Variants in CADPS observed in about 807,000 individuals in gnomAD.
CADPS encodes the protein calcium dependent secretion activator, also known as calcium-dependent secretion activator 1.
Under a neutral mutation model 167.3 loss-of-function variants are expected in CADPS, and 57 were observed. The observed-to-expected ratio is 0.34, with a 90% confidence interval of 0.28 to 0.42. The LOEUF is 0.42. Ranked by LOEUF, CADPS falls within the 20% of genes least tolerant of loss-of-function variation. The pLI, the probability that CADPS is intolerant of heterozygous loss-of-function variation, is 1.00. For synonymous variants in CADPS, 676 were observed against 635.3 expected, an observed-to-expected ratio of 1.06 and a Z score of -0.96; for missense variants, 1,414 against 1,738.1, an observed-to-expected ratio of 0.81 and a Z score of 3.32.
intron 10 of CADPS, among the ~76,000 whole-genome samples, chr3:62,555,346 T>G (rs1334362033): frequency 6.6e-6 from 1 of 152,192 alleles, no homozygotes; most frequent in African/African-American, 2.4e-5. Context: ...ATAGAATAGC[T>G]CTCTCCACTC....
intron 6 of CADPS, among the ~76,000 whole-genome samples, chr3:62,597,946 T>C (rs552856309): frequency 6.6e-6 from 1 of 152,030 alleles, no homozygotes; most frequent in Admixed American, 6.6e-5. Context: ...CAGGGCCCAG[T>C]GCAAATAAAA....
intron 24 of CADPS, among the ~76,000 whole-genome samples, chr3:62,472,494 C>T (rs1282147534): frequency 1.3e-5 from 2 of 152,032 alleles, no homozygotes; most frequent in Non-Finnish European, 1.5e-5. Flanking sequence ...CTTGATGAAG[C>T]CTAAGAGATT....
At chr3:62,794,667 A>C (rs971517447) in intron 1 of CADPS, among the ~76,000 whole-genome samples, 1 of 151,868 alleles carries the variant, frequency 6.6e-6, no homozygotes, top group Non-Finnish European at 1.5e-5. Context: ...AACTATTGCT[A>C]ATGTCCCTCA....
chr3:62,556,134 T>A (rs561774904), intron 10 of CADPS, among the ~76,000 whole-genome samples: 1 of 152,312 alleles, frequency 6.6e-6, no homozygotes, highest in Admixed American at 6.5e-5. Context: ...CATCACAGAA[T>A]GTCCTAAGGA....
chr3:62,574,045 C>T (rs906423612), intron 8 of CADPS, among the ~76,000 whole-genome samples: 1 of 152,168 alleles, frequency 6.6e-6, no homozygotes, highest in Non-Finnish European at 1.5e-5. Flanking sequence ...TAATCCATTG[C>T]CAAGTTCTTC....
At chr3:62,502,143 C>T (rs768047289) in intron 17 of CADPS, among the ~76,000 whole-genome samples, 3 of 152,186 alleles carry the variant, frequency 2.0e-5, no homozygotes, top group Non-Finnish European at 4.4e-5. Flanking sequence ...CACTATTTTC[C>T]TGTTTGTTTG....
intron 1 of CADPS, among the ~76,000 whole-genome samples, chr3:62,821,301 A>G (rs2094904005): frequency 6.6e-6 from 1 of 151,306 alleles, no homozygotes; most frequent in Admixed American, 6.6e-5. Context: ...TCTGCTTTAG[A>G]GTCTCTGTGT....
At position 62,455,718 on chromosome 3, in the gene CADPS, A is replaced by G. The variant is rs985721099; in HGVS notation, c.3636+9649T>C. Among the ~76,000 whole-genome samples, 4 of 152,164 alleles carry G rather than the reference A, an allele frequency of 2.6e-5. No individual in the cohort carries two copies. The highest frequency in any genetic ancestry group is 5.9e-5 in the Non-Finnish European group (4 of 68,036). On this transcript the variant is annotated intron_variant, in intron 26 of 29. Coordinates refer to ENST00000383710, the MANE Select transcript of CADPS (RefSeq NM_003716.4). This position sits in a 1 kb window ranked among gnomAD's most constrained non-coding sequence, Gnocchi z 4.4. ...GTTTGCCTTTTGAACATCTCTCAAC[A>G]CTAAGAAGGGTGACAGAATGCAAGC...
At chr3:62,491,855 T>A (rs2063798171) in intron 20 of CADPS, among the ~76,000 whole-genome samples, 1 of 152,158 alleles carries the variant, frequency 6.6e-6, no homozygotes, top group African/African-American at 2.4e-5. Context: ...TACTCTGCCC[T>A]CCTTCATCAC....
At chr3:62,854,607 G>A (rs987655661) in intron 1 of CADPS, among the ~76,000 whole-genome samples, 1 of 152,112 alleles carries the variant, frequency 6.6e-6, no homozygotes, top group African/African-American at 2.4e-5. Context: ...ACTATCACTG[G>A]GTGGAGAAAA....
At chr3:62,630,448 C>A (rs912836018) in intron 6 of CADPS, among the ~76,000 whole-genome samples, 11 of 152,254 alleles carry the variant, frequency 7.2e-5, no homozygotes, top group African/African-American at 2.4e-4. Context: ...TCAAGCCATT[C>A]TTGCATTCTT....
chr3:62,747,428 C>T (rs1455662594), intron 3 of CADPS, among the ~76,000 whole-genome samples: 1 of 152,150 alleles, frequency 6.6e-6, no homozygotes, highest in Non-Finnish European at 1.5e-5. Context: ...GGTATGGATA[C>T]AACCCAGCAA....
chr3:62,592,501 A>C, intron 7 of CADPS, 136 bp downstream of exon 7: 1 of 646,094 alleles, frequency 1.5e-6, no homozygotes, highest in South Asian at 1.9e-5. Context: ...GCCAATGTAG[A>C]GTGGAGTCCA....
chr3:62,792,529 C>G (rs2093040576), intron 1 of CADPS, among the ~76,000 whole-genome samples: 1 of 151,898 alleles, frequency 6.6e-6, no homozygotes, highest in Admixed American at 6.6e-5. Context: ...ATGTCATGTC[C>G]TCTGCCACAG....
chr3:62,795,488 T>A (rs915097034), intron 1 of CADPS, among the ~76,000 whole-genome samples: 11 of 152,306 alleles, frequency 7.2e-5, no homozygotes, highest in Non-Finnish European at 1.3e-4. Flanking sequence ...TAAATTTGCT[T>A]CTCCTTACAT....
At chr3:62,537,760 G>A (rs1283960198) in intron 11 of CADPS, among the ~76,000 whole-genome samples, 1 of 151,832 alleles carries the variant, frequency 6.6e-6, no homozygotes, top group East Asian at 1.9e-4. Context: ...CCATGCTTGG[G>A]GTATGGCTGT....
intron 28 of CADPS, among the ~76,000 whole-genome samples, chr3:62,427,997 A>C (rs1336829578): frequency 2.0e-5 from 3 of 152,224 alleles, no homozygotes; most frequent in African/African-American, 7.2e-5. Flanking sequence ...AACTGGCTTT[A>C]GTCCAGGGAT....
chr3:62,711,881 C>T (rs945517661), intron 3 of CADPS, among the ~76,000 whole-genome samples: 43 of 152,210 alleles, frequency 2.8e-4, no homozygotes, highest in African/African-American at 1.0e-3. Context: ...GGCTACTCAA[C>T]AGCAACTTAA....
chr3:62,585,055 A>G lies in CADPS; in HGVS notation c.1577+130T>C, dbSNP rs1201124623. 8.0e-6 allele frequency: 7 copies of G among 871,602 alleles called. No homozygotes were observed. The Admixed American group carries it at 1.4e-4, about 17-fold the overall frequency. The allele number at this position is 871,602 out of a possible 1,614,324, so 54.0% of individuals were successfully genotyped here. A position where few individuals can be genotyped will look rare whatever the true frequency, so the allele number is the denominator to read the frequency against. On this transcript the variant is annotated intron_variant, in intron 8 of 29. Transcript: ENST00000383710. ...AGTTTACAGTAAATATCAAAGTCGA[A>G]TATTTTAATATGAATTCTTTATATT...
Sources: gnomAD v4.1 joint callset for allele counts (sites outside exome capture counted in the v4.1 genomes callset) on GRCh38, gnomAD v4.1.1 for gene constraint, Gnocchi (gnomAD v3.1) non-coding constraint, MANE v1.5 for transcripts, NCBI Gene and HGNC (gene_info 2026-07-23, HGNC 2026-07-21) for gene names.